Variants in PWWP3B observed in about 807,000 individuals in gnomAD.
The protein encoded by PWWP3B is PWWP domain containing 3B.
PWWP3B carries 5 observed loss-of-function variants against 15.7 expected under a neutral mutation model. That is an observed-to-expected ratio of 0.32 (90% CI 0.17 to 0.67). The LOEUF is 0.67. Among genes scored for constraint, PWWP3B ranks in the 30% least tolerant of loss-of-function variants. PWWP3B has a pLI of 0.74. For synonymous variants in PWWP3B, 203 were observed against 179.8 expected, an observed-to-expected ratio of 1.13 and a Z score of -1.03; for missense variants, 519 against 493.1, an observed-to-expected ratio of 1.05 and a Z score of -0.50.
At chrX:106,195,697 A>T (rs1272064191) in intron 2 of PWWP3B, among the ~76,000 whole-genome samples, 2 of 111,881 alleles carry the variant, frequency 1.8e-5, no homozygotes, top group Non-Finnish European at 3.8e-5. Context: ...TGTCTTAATT[A>T]CCATAGCCTT....
chrX:106,197,049 A>C (rs1923420849), intron 2 of PWWP3B, among the ~76,000 whole-genome samples: 2 of 111,748 alleles, frequency 1.8e-5, no homozygotes, highest in Admixed American at 1.9e-4. Flanking sequence ...TGAGGTAGGA[A>C]GTACTGTCTG....
In PWWP3B at chrX:106,207,250, G is replaced by A; in HGVS notation, c.1818G>A (p.Leu606=). Residue 606 remains leucine, a synonymous_variant, in exon 4 of 4, where the codon TTG becomes TTA. Coordinates refer to ENST00000357175, the MANE Select transcript of PWWP3B (RefSeq NM_001171020.2). ...IETYFEDEDQ[L]DEVVKYLQEV... ...CATACTTTGAGGATGAAGATCAGTT[G>A]GATGAAGTGGTGAAATATTTACAAG... is the stretch of plus-strand genomic sequence containing the variant. 8.3e-7 allele frequency: 1 copy of A among 1,210,446 alleles called. No individual in the cohort carries two copies.
At chrX:106,202,468 A>C (rs1475784613) in intron 2 of PWWP3B, among the ~76,000 whole-genome samples, 4 of 112,016 alleles carry the variant, frequency 3.6e-5, no homozygotes, top group African/African-American at 1.3e-4. Flanking sequence ...ACACATAGAC[A>C]CACAAAGACA....
At chrX:106,188,531 T>A (rs1922659614) in intron 2 of PWWP3B, among the ~76,000 whole-genome samples, 1 of 112,106 alleles carries the variant, frequency 8.9e-6, no homozygotes, top group Admixed American at 9.5e-5. Context: ...AGGTATAGTT[T>A]ACATAGAGTT....
intron 2 of PWWP3B, among the ~76,000 whole-genome samples, chrX:106,176,400 A>G: frequency 8.9e-6 from 1 of 111,876 alleles, no homozygotes; most frequent in Non-Finnish European, 1.9e-5. Context: ...AAATTTAAGC[A>G]AACCTACCAA....
intron 2 of PWWP3B, among the ~76,000 whole-genome samples, chrX:106,189,896 C>T (rs1922801752): frequency 8.9e-6 from 1 of 112,496 alleles, no homozygotes; most frequent in Middle Eastern, 4.6e-3. Flanking sequence ...GGATTACAGG[C>T]GTGAGCCACC....
At chrX:106,172,929 T>C (rs1230285627) in intron 2 of PWWP3B, among the ~76,000 whole-genome samples, 1 of 112,168 alleles carries the variant, frequency 8.9e-6, no homozygotes, top group Non-Finnish European at 1.9e-5. Context: ...CCGACATCAC[T>C]AGGCAACAGG....
intron 2 of PWWP3B, among the ~76,000 whole-genome samples, chrX:106,190,898 G>A (rs1338822413): frequency 2.0e-3 from 221 of 111,015 alleles, no homozygotes; most frequent in African/African-American, 7.0e-3. Context: ...TGTTCCATTG[G>A]TCTATATCTC....
Position 106,206,570 on chromosome X carries a change from C to G in PWWP3B, c.1138C>G (p.Arg380Gly). The G allele has an allele frequency of 9.9e-6, 12 of 1,208,931 alleles. No homozygotes were observed. The highest frequency in any genetic ancestry group is 1.3e-5 in the Non-Finnish European group (12 of 894,252). ...TGATGAGGAAGACGAAGAACTTCCACGCTTCATTTTACATTATGAGACACA... is the reference window on the plus strand; with the variant it reads ...TGATGAGGAAGACGAAGAACTTCCAGGCTTCATTTTACATTATGAGACACA... ...DDDEEDEELP[R>G]FILHYETHPF... is the part of the protein sequence containing the mutation. The change falls in exon 4 of 4, where the codon CGC (arginine) becomes GGC (glycine). Residue 380 changes from arginine (R) to glycine (G), a missense_variant. By Grantham distance (125) the Arg-to-Gly change is moderately radical. Coordinates refer to ENST00000357175, the MANE Select transcript of PWWP3B (RefSeq NM_001171020.2).
At chrX:106,188,708 G>T (rs1352669640) in intron 2 of PWWP3B, among the ~76,000 whole-genome samples, 2 of 112,328 alleles carry the variant, frequency 1.8e-5, no homozygotes, top group African/African-American at 6.5e-5. Flanking sequence ...CCACTGATTT[G>T]ATTTCTGTCC....
At chrX:106,188,465 A>T (rs1370487907) in intron 2 of PWWP3B, among the ~76,000 whole-genome samples, 4 of 111,999 alleles carry the variant, frequency 3.6e-5, no homozygotes, top group African/African-American at 1.3e-4. Flanking sequence ...TAAAATACAA[A>T]TGTCTTATAT....
rs960070593 is a variant in PWWP3B, at chrX:106,195,216, A to G, written c.-400-8769A>G. 2.7e-5 allele frequency among the ~76,000 whole-genome samples: 3 copies of G among 111,971 alleles called. No individual in the cohort carries two copies. The Admixed American group carries it at 2.8e-4, about 11-fold the overall frequency. On this transcript the variant is annotated intron_variant, in intron 2 of 3. Coordinates refer to ENST00000357175, the MANE Select transcript of PWWP3B (RefSeq NM_001171020.2). ...ACTATTTTTATTTGGTTATTCAATAATAATCTTATTATTGAATTTTGAGAG... is the reference window on the plus strand; with the variant it reads ...ACTATTTTTATTTGGTTATTCAATAGTAATCTTATTATTGAATTTTGAGAG...
chrX:106,197,905 A>G (rs1383228619), intron 2 of PWWP3B, among the ~76,000 whole-genome samples: 2 of 111,771 alleles, frequency 1.8e-5, no homozygotes, highest in African/African-American at 3.3e-5. Flanking sequence ...ACAGCTTTTT[A>G]TATCCTAAGT....
chrX:106,198,810 A>T (rs1923525836), intron 2 of PWWP3B, among the ~76,000 whole-genome samples: 1 of 111,061 alleles, frequency 9.0e-6, no homozygotes, highest in African/African-American at 3.3e-5. Flanking sequence ...ATCCAAAATA[A>T]AGCAAAAAAA....
chrX:106,171,928 C>A (rs1387838376), intron 2 of PWWP3B, among the ~76,000 whole-genome samples: 2 of 110,564 alleles, frequency 1.8e-5, no homozygotes, highest in Non-Finnish European at 3.8e-5. Flanking sequence ...GCCTATTTTA[C>A]GATTAACATT....
chrX:106,187,909 G>A (rs1314510472), intron 2 of PWWP3B, among the ~76,000 whole-genome samples: 8 of 111,798 alleles, frequency 7.2e-5, no homozygotes, highest in African/African-American at 9.8e-5. Flanking sequence ...CCTGTCATAC[G>A]TTACTCAGCT....
chrX:106,184,828 C>T (rs1031069578), intron 2 of PWWP3B, among the ~76,000 whole-genome samples: 2 of 111,167 alleles, frequency 1.8e-5, no homozygotes, highest in African/African-American at 6.5e-5. Flanking sequence ...GCCAAATTCC[C>T]TTCCCCCTAC....
chrX:106,207,077 C>T lies in PWWP3B; in HGVS notation c.1645C>T (p.Arg549Trp), dbSNP rs751709228. 8.8e-5 allele frequency: 106 copies of T among 1,204,813 alleles called. No individual in the cohort carries two copies. The highest frequency in any genetic ancestry group is 8.4e-4 in the Admixed American group (38 of 45,158). ...TCTCCCTGACCGGATGAAGGCTGCT[C>T]GGGACCGAGCCAACAAGAACCTGGT... ...KILPDRMKAARDRANKNLVDF... is the reference protein window; with the variant it reads ...KILPDRMKAAWDRANKNLVDF... Residue 549 changes from arginine (R) to tryptophan (W), a missense_variant, in exon 4 of 4, where the codon CGG (arginine) becomes TGG (tryptophan). Coordinates refer to ENST00000357175, the MANE Select transcript of PWWP3B (RefSeq NM_001171020.2).
chrX:106,206,106 A>G lies in PWWP3B; in HGVS notation c.674A>G (p.Lys225Arg), dbSNP rs760664666. Residue 225 changes from lysine (K) to arginine (R), a missense_variant, in exon 4 of 4, where the codon AAA becomes AGA. Coordinates refer to ENST00000357175, the MANE Select transcript of PWWP3B (RefSeq NM_001171020.2). ...SAVMSVHSAV[K>R]EESACVKDEK... is the part of the protein sequence containing the mutation. ...GTTATGTCTGTGCATTCTGCAGTCA[A>G]AGAGGAAAGTGCATGTGTTAAAGAT... The G allele has an allele frequency of 1.7e-6, 2 of 1,211,346 alleles. No homozygotes were observed. The highest frequency in any genetic ancestry group is 1.1e-6 in the Non-Finnish European group (1 of 895,154).
Sources: gnomAD v4.1 joint callset for allele counts (sites outside exome capture counted in the v4.1 genomes callset) on GRCh38, gnomAD v4.1.1 for gene constraint, MANE v1.5 for transcripts, NCBI Gene and HGNC (gene_info 2026-07-23, HGNC 2026-07-21) for gene names.